GOLGA3: variants seen among roughly 807,000 people sequenced by gnomAD.
GOLGA3 encodes the protein golgin subfamily A member 3.
In GOLGA3, 75 loss-of-function variants were observed where a neutral mutation model predicts 169.4. That is an observed-to-expected ratio of 0.44 (90% CI 0.37 to 0.54). The LOEUF is 0.54. GOLGA3 is among the 20% of genes least tolerant of loss of function. The pLI is 0.00. For synonymous variants in GOLGA3, 824 were observed against 822.4 expected (o/e 1.00, Z -0.03); for missense variants, 1,899 against 1,930.0 (o/e 0.98, Z 0.30).
In GOLGA3 at chr12:132,789,039, T is replaced by C; in HGVS notation, c.2799A>G (p.Glu933=). The part of the protein sequence containing the change: ...QSAQKERDEM[E]THLQSLQFDK... ...GACACGGACAGACCTGCAAGTGTGT[T>C]TCCATCTCGTCTCGCTCCTTCTGCG... Residue 933 remains glutamate, a synonymous_variant, in exon 13 of 24, where the codon GAA becomes GAG. Transcript: ENST00000450791. The C allele has an allele frequency of 6.4e-7, 1 of 1,570,558 alleles. No individual in the cohort carries two copies. The highest frequency in any genetic ancestry group is 1.8e-5 in the Admixed American group (1 of 55,796).
At position 132,784,277 on chromosome 12, in the gene GOLGA3, G is replaced by A; in HGVS notation, c.3154C>T (p.Gln1052Ter). The change falls in exon 16 of 24, where the codon CAG (glutamine) becomes TAG (stop). Residue 1052 changes from glutamine (Q) to a stop codon, truncating the protein, a stop_gained. Coordinates refer to ENST00000450791, the MANE Select transcript of GOLGA3 (RefSeq NM_001389683.1). LOFTEE classifies it high-confidence loss of function. ...AGCGTCTTGCTATGACTGACAGCCT[G>A]CAGCTCCGCCTCCAGGGCCTGGATC... Reference protein sequence around the residue: ...ERIQALEAELQAVSHSKTLLE... With the variant: ...ERIQALEAEL 1 of 1,609,970 alleles carries A rather than the reference G, an allele frequency of 6.2e-7. No individual in the cohort carries two copies. Among genetic ancestry groups the A allele is most frequent in the Admixed American group, 1.7e-5 (1 of 60,010 alleles).
chr12:132,814,596 C>A (rs1471752755), intron 3 of GOLGA3, among the ~76,000 whole-genome samples: 2 of 152,220 alleles, frequency 1.3e-5, no homozygotes, highest in African/African-American at 4.8e-5. Context: ...CTCATCTCAG[C>A]TCCTGCAGTA....
At chr12:132,819,905 C>T (rs889548077) in intron 2 of GOLGA3, among the ~76,000 whole-genome samples, 2 of 152,200 alleles carry the variant, frequency 1.3e-5, no homozygotes, top group Non-Finnish European at 2.9e-5. Flanking sequence ...GGCAACAGGG[C>T]GCGGTGGCTC....
At chr12:132,811,826 T>A (rs983984396) in intron 4 of GOLGA3, 1 of 964,912 alleles carries the variant, frequency 1.0e-6, no homozygotes, top group Admixed American at 6.2e-5. Flanking sequence ...ATTTTATTGA[T>A]CTTCTTCTAC....
chr12:132,780,067 A>C (rs1484656520), intron 18 of GOLGA3, among the ~76,000 whole-genome samples: 6 of 109,826 alleles, frequency 5.5e-5, no homozygotes, highest in East Asian at 2.7e-4. Flanking sequence ...ACACACACAC[A>C]CCCCAGGCAC....
intron 1 of GOLGA3, among the ~76,000 whole-genome samples, chr12:132,822,690 G>A (rs1950265409): frequency 6.6e-6 from 1 of 152,178 alleles, no homozygotes; most frequent in Non-Finnish European, 1.5e-5. Context: ...GGAGGCCGAG[G>A]CAGGCAGATC....
At chr12:132,822,758 C>A (rs1950268405) in intron 1 of GOLGA3, among the ~76,000 whole-genome samples, 1 of 152,154 alleles carries the variant, frequency 6.6e-6, no homozygotes, top group African/African-American at 2.4e-5. Flanking sequence ...CCCACCTCTA[C>A]TAAAAATACA....
intron 16 of GOLGA3, 174 bp downstream of exon 16, chr12:132,783,990 C>T: frequency 1.3e-6 from 2 of 1,490,936 alleles, no homozygotes; most frequent in Non-Finnish European, 1.8e-6. Flanking sequence ...GGGCTGGAAT[C>T]AGGGCCTGCC....
At chr12:132,802,727 T>C (rs533558871) in intron 7 of GOLGA3, among the ~76,000 whole-genome samples, 3 of 152,262 alleles carry the variant, frequency 2.0e-5, no homozygotes, top group East Asian at 1.9e-4. Context: ...ATCTTCTCCA[T>C]GAAACACCTC....
intron 13 of GOLGA3, among the ~76,000 whole-genome samples, chr12:132,787,367 C>T (rs2045951548): frequency 6.6e-6 from 1 of 151,906 alleles, no homozygotes; most frequent in African/African-American, 2.4e-5. Context: ...ACCTCTCCTC[C>T]AAACCCTCAG....
chr12:132,774,204 C>T lies in GOLGA3; in HGVS notation c.4260G>A (p.Val1420=). ...LEELLRPPPA[V]SKEPLKNLNS... ...TCAGGTTCTTGAGGGGCTCCTTGCT[C>T]ACGGCGGGCGGTGGTCTCAGCAGCT... The change falls in exon 23 of 24, where the codon GTG becomes GTA. Residue 1420 remains valine (V), a synonymous_variant. Coordinates refer to ENST00000450791, the MANE Select transcript of GOLGA3 (RefSeq NM_001389683.1). 1.2e-6 allele frequency: 2 copies of T among 1,610,056 alleles called. No homozygotes were observed. The highest frequency in any genetic ancestry group is 1.7e-6 in the Non-Finnish European group (2 of 1,178,100).
chr12:132,797,691 G>A (rs767052654), intron 9 of GOLGA3, among the ~76,000 whole-genome samples: 46 of 151,686 alleles, frequency 3.0e-4, no homozygotes, highest in Non-Finnish European at 6.3e-4. Flanking sequence ...CACCCTGGGC[G>A]ACAAGAGCAA....
At chr12:132,815,743 A>C (rs1235605467) in intron 3 of GOLGA3, among the ~76,000 whole-genome samples, 1 of 152,168 alleles carries the variant, frequency 6.6e-6, no homozygotes, top group Non-Finnish European at 1.5e-5. Flanking sequence ...ACACACAAAA[A>C]ATTAAAATTA....
intron 1 of GOLGA3, chr12:132,827,905 TAAAAAA>T (rs11433430): frequency 1.4e-5 from 2 of 141,936 alleles, no homozygotes; most frequent in African/African-American, 5.2e-5. Context: ...CCCAGTCTCT[TAAAAAA>T]AAAAAAAAAA....
At chr12:132,780,693 C>G in intron 18 of GOLGA3, 105 bp downstream of exon 18, 1 of 751,152 alleles carries the variant, frequency 1.3e-6, no homozygotes, top group Non-Finnish European at 2.3e-6. Flanking sequence ...CACCTTTGCT[C>G]TGTGTAACTG....
intron 1 of GOLGA3, chr12:132,825,952 G>T (rs1362346949): frequency 1.0e-6 from 1 of 954,418 alleles, no homozygotes. Context: ...AGACGCAGAG[G>T]ACCACTGTCA....
In GOLGA3 at chr12:132,808,066, T is replaced by A. The variant is rs761520859; in HGVS notation, c.1003A>T (p.Thr335Ser). The stretch of plus-strand genomic sequence containing the variant: ...TAGGGGGTGTCCTGCGTGCCCACTG[T>A]CTTCGACAGAATGCCATAGGTCCCT... ...TRGTYGILSK[T>S]VGTQDTPYMV... Residue 335 changes from threonine (T) to serine (S), a missense_variant, in exon 5 of 24, where the codon ACA becomes TCA. Physicochemically the swap from Thr to Ser is moderately conservative, Grantham distance 58. Coordinates refer to ENST00000450791, the MANE Select transcript of GOLGA3 (RefSeq NM_001389683.1). 6.9e-6 allele frequency: 11 copies of A among 1,598,226 alleles called. No homozygotes were observed. In the African/African-American group the frequency reaches 1.5e-4, roughly 21 times the overall value.
intron 1 of GOLGA3, among the ~76,000 whole-genome samples, chr12:132,822,600 A>C (rs1334020717): frequency 6.6e-6 from 1 of 152,226 alleles, no homozygotes; most frequent in East Asian, 1.9e-4. Context: ...GGTGTCACAC[A>C]GGGCAACTGA....
rs761902661 is a variant in GOLGA3, at chr12:132,776,981, T to G, written c.3832A>C (p.Lys1278Gln). The G allele has an allele frequency of 5.6e-6, 9 of 1,604,854 alleles. No homozygotes were observed. The East Asian group carries it at 1.3e-4, about 24-fold the overall frequency. Residue 1278 changes from lysine (K) to glutamine (Q), a missense_variant, in exon 20 of 24, where the codon AAA becomes CAA. Coordinates refer to ENST00000450791, the MANE Select transcript of GOLGA3 (RefSeq NM_001389683.1). ...ACCTCTTGGTTTCCCACGGGCTGTT[T>G]GCTGAGCTGCTCGTCCAGCTGCTTC... ...LQKQLDEQLS[K>Q]QPVGNQEMEN... is the part of the protein sequence containing the mutation.
Sources: gnomAD v4.1 joint callset for allele counts (sites outside exome capture counted in the v4.1 genomes callset) on GRCh38, gnomAD v4.1.1 for gene constraint, MANE v1.5 for transcripts, NCBI Gene and HGNC (gene_info 2026-07-23, HGNC 2026-07-21) for gene names.